The following AZIN2 variants were observed in gnomAD, a reference collection of about 807,000 sequenced individuals.
The protein encoded by AZIN2 is antizyme inhibitor 2.
In AZIN2, 28 loss-of-function variants were observed where a neutral mutation model predicts 47.8. That is an observed-to-expected ratio of 0.59 (90% CI 0.43 to 0.80). The LOEUF (loss-of-function observed/expected upper bound fraction) is 0.80. AZIN2 is among the 30% of genes least tolerant of loss of function. The pLI is 0.00. For synonymous variants in AZIN2, 221 were observed against 239.4 expected, an observed-to-expected ratio of 0.92 and a Z score of 0.71; for missense variants, 535 against 582.5, an observed-to-expected ratio of 0.92 and a Z score of 0.84.
chr1:33,082,921 G>A lies in AZIN2; in HGVS notation c.105+567G>A, dbSNP rs114307047. 1.3e-3 allele frequency: 203 copies of A among 153,034 alleles called. 2 individuals are homozygous for A. The highest frequency in any genetic ancestry group is 4.7e-3 in the African/African-American group (191 of 40,964). The allele number at this position is 153,034 out of a possible 1,614,324, so 9.5% of individuals were successfully genotyped here. ...TCAATTTGCATTTCCCAATGATGCT[G>A]TGTGCCCAATGATGCTATTACCATG... On this transcript the variant is annotated intron_variant, in intron 4 of 11. Coordinates refer to ENST00000294517, the MANE Select transcript of AZIN2 (RefSeq NM_052998.4).
At chr1:33,094,854 C>T in intron 8 of AZIN2, 141 bp downstream of exon 8, 1 of 894,280 alleles carries the variant, frequency 1.1e-6, no homozygotes, top group South Asian at 1.7e-5. Context: ...GATCTCACTG[C>T]TTATTAACCC....
chr1:33,087,525 C>T (rs1557669326), intron 5 of AZIN2, among the ~76,000 whole-genome samples: 1 of 151,942 alleles, frequency 6.6e-6, no homozygotes, highest in Non-Finnish European at 1.5e-5. Context: ...CAACCTCTGC[C>T]TCCCAGGTTC....
downstream of AZIN2, among the ~76,000 whole-genome samples, chr1:33,124,836 C>A (rs868514596): frequency 2.6e-5 from 4 of 152,208 alleles, no homozygotes; most frequent in Admixed American, 6.5e-5. The surrounding 1 kb of genome is among the most constrained non-coding windows in gnomAD (Gnocchi z 4.6). Context: ...CATGTCCCTA[C>A]AAAGGACAGG....
chr1:33,101,855 A>G (rs764030540), intron 10 of AZIN2: 7 of 779,466 alleles, frequency 9.0e-6, no homozygotes, highest in East Asian at 2.4e-5. Flanking sequence ...TCACCCTGCT[A>G]CATGTCTCTA....
At chr1:33,135,541 C>T in the AZIN2 span, among the ~76,000 whole-genome samples, 1 of 152,186 alleles carries the variant, frequency 6.6e-6, no homozygotes, top group African/African-American at 2.4e-5. Context: ...CTGTTGCCCT[C>T]AGGATGGCCC....
chr1:33,135,652 C>G, the AZIN2 span, among the ~76,000 whole-genome samples: 1 of 152,212 alleles, frequency 6.6e-6, no homozygotes. Context: ...CCTTCCTGGA[C>G]AACTTTGCCC....
the AZIN2 span, among the ~76,000 whole-genome samples, chr1:33,131,939 G>A: frequency 2.0e-5 from 3 of 152,108 alleles, no homozygotes; most frequent in African/African-American, 4.8e-5. Flanking sequence ...AAATGTTAGG[G>A]GAATTGATTG....
downstream of AZIN2, among the ~76,000 whole-genome samples, chr1:33,126,468 G>A (rs1224435868): frequency 6.6e-6 from 1 of 152,184 alleles, no homozygotes; most frequent in Non-Finnish European, 1.5e-5. Flanking sequence ...ACCTAAGACT[G>A]TGCTTACCAC....
intron 10 of AZIN2, among the ~76,000 whole-genome samples, chr1:33,098,418 C>T (rs1028772537): frequency 1.3e-5 from 2 of 152,020 alleles, no homozygotes; most frequent in African/African-American, 4.8e-5. Context: ...CTGCTTTTTC[C>T]ATTTATATGG....
chr1:33,123,177 C>A lies in AZIN2; in HGVS notation c.*2995C>A, dbSNP rs910606808. On this transcript the variant is annotated 3_prime_UTR_variant, in exon 12 of 12. Coordinates refer to ENST00000294517, the MANE Select transcript of AZIN2 (RefSeq NM_052998.4). ...GTGCAAATGTTTTCTTTAGGTGAAG[C>A]CTTCTGGATCACCCTTTAGAAAATA... Among the ~76,000 whole-genome samples the A allele has an allele frequency of 6.6e-6, 1 of 152,190 alleles. No individual in the cohort carries two copies. The highest frequency in any genetic ancestry group is 1.5e-5 in the Non-Finnish European group (1 of 68,030).
rs193222933 is a variant in AZIN2, at chr1:33,083,501, C to T, written c.106-453C>T. ...ATAGCTTCTGCCTTTAGGGAGTTTACCCTTTTCTAGAATGGACAGATGCAT... is the reference window on the plus strand; with the variant it reads ...ATAGCTTCTGCCTTTAGGGAGTTTATCCTTTTCTAGAATGGACAGATGCAT... On this transcript the variant is annotated intron_variant, in intron 4 of 11. Coordinates refer to ENST00000294517, the MANE Select transcript of AZIN2 (RefSeq NM_052998.4). 271 of 244,796 alleles carry T rather than the reference C, an allele frequency of 1.1e-3. 3 individuals carry two copies. The highest frequency in any genetic ancestry group is 4.6e-4 in the Non-Finnish European group (57 of 122,674). 15.2% of individuals were successfully genotyped at this position (244,796 alleles called of 1,614,324 possible).
chr1:33,096,760 C>A lies in AZIN2; in HGVS notation c.807C>A (p.Gly269=). The change falls in exon 9 of 12, where the codon GGC becomes GGA. Residue 269 remains glycine, a synonymous_variant. Transcript: ENST00000294517. Reference sequence around the variant, plus strand: ...ACCTGTACTTCCCAGAGGGCTGTGGCGTGGACATCTTTGCTGAGCTGGGGC... The same window carrying A: ...ACCTGTACTTCCCAGAGGGCTGTGGAGTGGACATCTTTGCTGAGCTGGGGC... ...ALDLYFPEGC[G]VDIFAELGRY... The A allele has an allele frequency of 6.2e-7, 1 of 1,614,212 alleles. No homozygotes were observed.
the AZIN2 span, chr1:33,165,571 A>AAC: frequency 1.2e-6 from 2 of 1,603,698 alleles, no homozygotes; most frequent in Non-Finnish European, 1.7e-6. The surrounding 1 kb of genome is among the most constrained non-coding windows in gnomAD (Gnocchi z 4.0). Context: ...CTCCCTCTGA[A>AAC]ACACACACAG....
intron 10 of AZIN2, among the ~76,000 whole-genome samples, chr1:33,115,456 G>T (rs1303257513): frequency 6.6e-6 from 1 of 150,596 alleles, no homozygotes; most frequent in East Asian, 1.9e-4. Flanking sequence ...TGCAATCTCA[G>T]TACTTTGGAA....
the AZIN2 span, among the ~76,000 whole-genome samples, chr1:33,131,860 T>C: frequency 1.3e-5 from 2 of 152,202 alleles, no homozygotes; most frequent in Non-Finnish European, 2.9e-5. Flanking sequence ...GTGACTTTAA[T>C]TTTAGTTAAT....
chr1:33,092,213 C>T lies in AZIN2; in HGVS notation c.443C>T (p.Pro148Leu). The change falls in exon 6 of 12, where the codon CCC becomes CTC. Residue 148 changes from proline (P) to leucine (L), a missense_variant. By Grantham distance (98) the Pro-to-Leu change is moderately conservative. Transcript: ENST00000294517. ...MELAKVVKSH[P>L]SAKMVLCIAT... ...CTGGCAAAGGTGGTAAAGAGCCACC[C>T]CAGTGCCAAGTAAGCTGAGAACCAC... The T allele has an allele frequency of 6.2e-7, 1 of 1,613,790 alleles. No individual in the cohort carries two copies. Among genetic ancestry groups the T allele is most frequent in the South Asian group, 1.1e-5 (1 of 91,040 alleles).
the AZIN2 span, among the ~76,000 whole-genome samples, chr1:33,148,870 CA>C: frequency 2.6e-5 from 4 of 152,206 alleles, no homozygotes; most frequent in Non-Finnish European, 5.9e-5. Context: ...AGAGGGGAGA[CA>C]TGACAAACTT....
the AZIN2 span, among the ~76,000 whole-genome samples, chr1:33,150,899 A>G: frequency 6.6e-6 from 1 of 152,220 alleles, no homozygotes; most frequent in Admixed American, 6.5e-5. Flanking sequence ...GTGCCCAGGC[A>G]TGAACAGCAG....
intron 6 of AZIN2, among the ~76,000 whole-genome samples, chr1:33,092,807 G>A (rs969527808): frequency 1.3e-5 from 2 of 152,134 alleles, no homozygotes; most frequent in African/African-American, 4.8e-5. Flanking sequence ...AGGGCTGGAC[G>A]TTTTGCTCTG....
Sources: allele counts gnomAD v4.1 joint callset (sites outside exome capture counted in the v4.1 genomes callset), GRCh38; gene constraint gnomAD v4.1.1; non-coding constraint Gnocchi (gnomAD v3.1); transcripts MANE v1.5; gene names NCBI Gene and HGNC (gene_info 2026-07-23, HGNC 2026-07-21).